Variants in SEC23IP observed in about 807,000 individuals in gnomAD.
SEC23IP encodes the protein SEC23-interacting protein.
In SEC23IP, 70 loss-of-function variants were observed where a neutral mutation model predicts 113.4. The observed-to-expected ratio is 0.62, with a 90% CI of 0.51 to 0.75. The LOEUF (loss-of-function observed/expected upper bound fraction) is 0.75. Among genes scored for constraint, SEC23IP ranks in the 30% least tolerant of loss-of-function variants. SEC23IP has a pLI of 0.00. For synonymous variants in SEC23IP, 398 were observed against 421.0 expected, an observed-to-expected ratio of 0.95 and a Z score of 0.67; for missense variants, 1,160 against 1,204.9, an observed-to-expected ratio of 0.96 and a Z score of 0.55.
intron 4 of SEC23IP, among the ~76,000 whole-genome samples, chr10:119,907,508 T>C (rs12241478): frequency 0.23 from 35,333 of 152,176 alleles, 4,526 homozygotes; most frequent in South Asian, 0.37. Flanking sequence ...AGAGGCTCCC[T>C]CTTACTTTGT....
At chr10:119,922,628 AAG>A (rs1175170276) in intron 12 of SEC23IP, among the ~76,000 whole-genome samples, 5 of 152,300 alleles carry the variant, frequency 3.3e-5, no homozygotes, top group East Asian at 1.9e-4. Context: ...CAGTGACTGA[AAG>A]AGAGATGATA....
chr10:119,919,351 A>G, intron 10 of SEC23IP, 93 bp from the exon 11 acceptor site: 1 of 1,213,144 alleles, frequency 8.2e-7, no homozygotes, highest in Non-Finnish European at 1.1e-6. Context: ...TTTCTGTGTA[A>G]AGCAAAATTG....
chr10:119,903,919 A>G (rs1272476526), intron 3 of SEC23IP, among the ~76,000 whole-genome samples, 165 bp from the exon 4 acceptor site: 3 of 152,092 alleles, frequency 2.0e-5, no homozygotes, highest in African/African-American at 7.2e-5. Flanking sequence ...GGGAGGTTTC[A>G]CCATTGGCCA....
At chr10:119,914,201 G>A (rs185793143) in intron 6 of SEC23IP, among the ~76,000 whole-genome samples, 23 of 152,310 alleles carry the variant, frequency 1.5e-4, no homozygotes, top group Admixed American at 3.9e-4. Context: ...GATGTGGGTA[G>A]GATTTGGCCT....
rs149253942 is a variant in SEC23IP at position 119,909,046 on chromosome 10, A to G, written c.1107A>G (p.Glu369=). 6 of 1,605,524 alleles carry G rather than the reference A, an allele frequency of 3.7e-6. No homozygotes were observed. The highest frequency in any genetic ancestry group is 1.3e-5 in the African/African-American group (1 of 74,692). The change falls in exon 5 of 19, where the codon GAA becomes GAG. Residue 369 remains glutamate, a synonymous_variant. Transcript: ENST00000369075. ...TGTTGTTTCCCCCATTATAGGCTGA[A>G]TATAAAAAAGCTGTAACCACTAATC... is the stretch of plus-strand genomic sequence containing the variant. The part of the protein sequence containing the change: ...TEEFSEKLEA[E]YKKAVTTNQW...
intron 2 of SEC23IP, 134 bp from the exon 3 acceptor site, chr10:119,902,665 G>C (rs371322995): frequency 8.3e-6 from 6 of 725,494 alleles, no homozygotes; most frequent in South Asian, 7.1e-5. Context: ...AAATTGCTTT[G>C]GGGTCTAGTT....
At chr10:119,929,246 T>C (rs1191118466) in intron 13 of SEC23IP, among the ~76,000 whole-genome samples, 3 of 152,188 alleles carry the variant, frequency 2.0e-5, no homozygotes, top group Admixed American at 6.5e-5. Flanking sequence ...TTTTTTTTTA[T>C]TTTTTGAGAT....
At chr10:119,914,451 G>C (rs1173563230) in intron 6 of SEC23IP, 5 of 404,176 alleles carry the variant, frequency 1.2e-5, no homozygotes, top group Non-Finnish European at 2.3e-5. Context: ...AGGTTGTGGA[G>C]CCTCCATAGA....
At chr10:119,925,915 T>C in intron 12 of SEC23IP, 121 bp from the exon 13 acceptor site, 1 of 783,436 alleles carries the variant, frequency 1.3e-6, no homozygotes, top group Non-Finnish European at 2.0e-6. Flanking sequence ...AATCACAATG[T>C]TGTTACTATT....
chr10:119,898,924 C>G lies in SEC23IP; in HGVS notation c.661C>G (p.Gln221Glu), dbSNP rs1854384617. ...AHPPPSGPPVQMYQMPPGSLP... is the reference protein window; with the variant it reads ...AHPPPSGPPVEMYQMPPGSLP... ...TCCTCCACCTTCTGGACCCCCTGTT[C>G]AGATGTACCAGATGCCTCCAGGATC... Residue 221 changes from glutamine to glutamate, a missense_variant, in exon 2 of 19, where the codon CAG becomes GAG. Transcript: ENST00000369075. 2 of 1,596,204 alleles carry G rather than the reference C, an allele frequency of 1.3e-6. No individual in the cohort carries two copies. Among genetic ancestry groups the G allele is most frequent in the Non-Finnish European group, 1.7e-6 (2 of 1,177,316 alleles).
intron 1 of SEC23IP, among the ~76,000 whole-genome samples, chr10:119,896,119 C>G (rs1340460348): frequency 6.6e-6 from 1 of 152,166 alleles, no homozygotes; most frequent in Non-Finnish European, 1.5e-5. Context: ...GAGTCAGCCA[C>G]ATTGGGTGTG....
rs972452080 is a variant in SEC23IP at position 119,898,714 on chromosome 10, G to C, written c.451G>C (p.Gly151Arg). ...QPGAPPSSLM[G>R]INSYLPSQPS... Reference sequence around the variant, plus strand: ...TGGTGCTCCACCTTCCTCACTGATGGGAATAAATTCTTATCTGCCTTCTCA... The same window carrying C: ...TGGTGCTCCACCTTCCTCACTGATGCGAATAAATTCTTATCTGCCTTCTCA... The change falls in exon 2 of 19, where the codon GGA (glycine) becomes CGA (arginine). Residue 151 changes from glycine (G) to arginine (R), a missense_variant. Transcript: ENST00000369075. 2 of 1,613,982 alleles carry C rather than the reference G, an allele frequency of 1.2e-6. No homozygotes were observed. The highest frequency in any genetic ancestry group is 2.7e-5 in the African/African-American group (2 of 74,888).
intron 8 of SEC23IP, among the ~76,000 whole-genome samples, chr10:119,916,589 C>T (rs1001970353): frequency 3.9e-5 from 6 of 152,148 alleles, no homozygotes; most frequent in Admixed American, 3.3e-4. Flanking sequence ...TTTTCTTTCT[C>T]TGTGTGTATT....
rs573458550 is a variant in SEC23IP, at chr10:119,918,234, A to G, written c.1754-159A>G. Among the ~76,000 whole-genome samples the G allele has an allele frequency of 5.9e-5, 9 of 152,314 alleles. No individual in the cohort carries two copies. In the South Asian group the frequency reaches 1.7e-3, roughly 28 times the overall value. On this transcript the variant is annotated intron_variant, in intron 9 of 18. Transcript: ENST00000369075. ...CCTCTAGTATTACCTAGGGAATGCT[A>G]TGTATTTTACTTTATTCTGCTGTTT...
chr10:119,900,297 G>GTGTA (rs1554911793), intron 2 of SEC23IP, among the ~76,000 whole-genome samples: 1 of 149,328 alleles, frequency 6.7e-6, no homozygotes, highest in African/African-American at 2.5e-5. Flanking sequence ...GTGTGTGTGT[G>GTGTA]TATATATATA....
chr10:119,931,324 A>G (rs1220144802), intron 15 of SEC23IP, among the ~76,000 whole-genome samples: 7 of 150,282 alleles, frequency 4.7e-5, no homozygotes, highest in Non-Finnish European at 1.0e-4. Context: ...TACAGATTAG[A>G]AAAACAGTGA....
In SEC23IP at chr10:119,942,428, CTT is replaced by C. The variant is rs1159025585; in HGVS notation, c.*1865_*1866del. 1 of 152,084 alleles carries C rather than the reference CTT, an allele frequency of 6.6e-6. No individual in the cohort carries two copies. The highest frequency in any genetic ancestry group is 1.5e-5 in the Non-Finnish European group (1 of 68,006). The allele number at this position is 152,084 out of a possible 1,614,324, so 9.4% of individuals were successfully genotyped here. A position where few individuals can be genotyped will look rare whatever the true frequency, so the allele number is the denominator to read the frequency against. On this transcript the variant is annotated 3_prime_UTR_variant, in exon 19 of 19. Coordinates refer to ENST00000369075, the MANE Select transcript of SEC23IP (RefSeq NM_007190.4). Reference sequence around the variant, plus strand: ...ACAGTAGATCCCCTGAGGGTAGAGTCTTTATGTATGAACATATTGTTCACTGT... The same window carrying C: ...ACAGTAGATCCCCTGAGGGTAGAGTCTATGTATGAACATATTGTTCACTGT...
chr10:119,918,348 A>G (rs769163282), intron 9 of SEC23IP, 45 bp from the exon 10 acceptor site: 2 of 1,157,230 alleles, frequency 1.7e-6, no homozygotes, highest in Admixed American at 1.9e-5. Context: ...TTAGTGTTAT[A>G]AAAGTACCTA....
At chr10:119,895,842 C>T (rs955354113) in intron 1 of SEC23IP, among the ~76,000 whole-genome samples, 3 of 152,196 alleles carry the variant, frequency 2.0e-5, no homozygotes, top group Non-Finnish European at 2.9e-5. Context: ...CCTCTGCCCC[C>T]AGTAGATCAC....
Sources: gnomAD v4.1 joint callset for allele counts (sites outside exome capture counted in the v4.1 genomes callset) on GRCh38, gnomAD v4.1.1 for gene constraint, MANE v1.5 for transcripts, NCBI Gene and HGNC (gene_info 2026-07-23, HGNC 2026-07-21) for gene names.